RNF150: variants seen among roughly 807,000 people sequenced by gnomAD.
The protein encoded by RNF150 is ring finger protein 150.
In RNF150, 24 loss-of-function variants were observed where a neutral mutation model predicts 39.3. That is an observed-to-expected ratio of 0.61 (90% confidence interval 0.44 to 0.86). The LOEUF (loss-of-function observed/expected upper bound fraction) is 0.86. Among genes scored for constraint, RNF150 ranks in the 40% least tolerant of loss-of-function variants. The pLI, the probability that RNF150 is intolerant of heterozygous loss-of-function variation, is 0.00. For synonymous variants in RNF150, 255 were observed against 227.3 expected, an observed-to-expected ratio of 1.12 and a Z score of -1.10; for missense variants, 502 against 587.8, an observed-to-expected ratio of 0.85 and a Z score of 1.51.
intron 1 of RNF150, among the ~76,000 whole-genome samples, chr4:141,109,185 A>G (rs1739308903): frequency 6.6e-6 from 1 of 152,174 alleles, no homozygotes; most frequent in Non-Finnish European, 1.5e-5. Context: ...TATTCCAAAT[A>G]ATACAATATC....
chr4:141,050,712 C>T (rs760092228), intron 1 of RNF150, among the ~76,000 whole-genome samples: 30 of 152,242 alleles, frequency 2.0e-4, no homozygotes, highest in Non-Finnish European at 4.0e-4. Flanking sequence ...TTGGGCAGCT[C>T]CGCCCCTGTG....
At chr4:141,031,264 G>A (rs1159927107) in intron 1 of RNF150, among the ~76,000 whole-genome samples, 3 of 151,960 alleles carry the variant, frequency 2.0e-5, no homozygotes, top group African/African-American at 7.2e-5. Flanking sequence ...CAATTCAAAA[G>A]GGATTTTGAA....
At chr4:140,995,206 T>C (rs1734323925) in intron 1 of RNF150, among the ~76,000 whole-genome samples, 1 of 152,196 alleles carries the variant, frequency 6.6e-6, no homozygotes, top group Non-Finnish European at 1.5e-5. Context: ...AACCCCAAAT[T>C]TGGAACTCAG....
At chr4:141,194,009 T>G (rs1221330947) in intron 1 of RNF150, among the ~76,000 whole-genome samples, 1 of 152,260 alleles carries the variant, frequency 6.6e-6, no homozygotes, top group Non-Finnish European at 1.5e-5. Context: ...GTCATTTTGA[T>G]TCTCATATGC....
chr4:140,925,432 C>T (rs893753789), intron 5 of RNF150, among the ~76,000 whole-genome samples: 2 of 152,176 alleles, frequency 1.3e-5, no homozygotes, highest in African/African-American at 4.8e-5. Context: ...TAAGTGCTAG[C>T]ATTAAGTAGC....
intron 6 of RNF150, among the ~76,000 whole-genome samples, chr4:140,874,501 T>C (rs1042708977): frequency 1.3e-5 from 2 of 152,272 alleles, no homozygotes; most frequent in African/African-American, 2.4e-5. Context: ...GAAAGTTTTT[T>C]ATTTTAAGAA....
chr4:141,166,977 T>G (rs1032747354), intron 1 of RNF150, among the ~76,000 whole-genome samples: 3 of 152,066 alleles, frequency 2.0e-5, no homozygotes, highest in Non-Finnish European at 2.9e-5. Flanking sequence ...CAAAGGGTAT[T>G]CAAATAGGAA....
chr4:141,115,419 A>G (rs7658695), intron 1 of RNF150, among the ~76,000 whole-genome samples: 116,848 of 152,008 alleles, frequency 0.77, 45,961 homozygotes, highest in East Asian at 0.88. Flanking sequence ...AAAATACCTA[A>G]GAATACAACT....
At chr4:141,019,955 G>T (rs1157437542) in intron 1 of RNF150, among the ~76,000 whole-genome samples, 1 of 152,086 alleles carries the variant, frequency 6.6e-6, no homozygotes, top group Non-Finnish European at 1.5e-5. Context: ...TCTGGTTTGT[G>T]TCTACTGTAC....
intron 1 of RNF150, among the ~76,000 whole-genome samples, chr4:141,191,235 C>A (rs1224089481): frequency 1.3e-5 from 2 of 152,178 alleles, no homozygotes; most frequent in Non-Finnish European, 2.9e-5. Context: ...ATGATCTGTG[C>A]CTGGTGTAGG....
chr4:140,987,260 A>G (rs1328218208), intron 1 of RNF150, among the ~76,000 whole-genome samples: 7 of 152,176 alleles, frequency 4.6e-5, no homozygotes, highest in Admixed American at 4.6e-4. Context: ...GAATTAGAAA[A>G]AACTATTCTA....
chr4:140,900,287 C>T (rs182026659), intron 6 of RNF150, among the ~76,000 whole-genome samples: 215 of 152,154 alleles, frequency 1.4e-3, no homozygotes, highest in Non-Finnish European at 2.5e-3. Context: ...CAATACAGAG[C>T]CATGTGTAGA....
At chr4:140,962,114 A>G (rs1425057228) in intron 2 of RNF150, among the ~76,000 whole-genome samples, 1 of 151,226 alleles carries the variant, frequency 6.6e-6, no homozygotes. Context: ...GCGCGCACAC[A>G]CACACACACG....
At chr4:140,993,013 C>T (rs942592057) in intron 1 of RNF150, among the ~76,000 whole-genome samples, 1 of 152,048 alleles carries the variant, frequency 6.6e-6, no homozygotes, top group African/African-American at 2.4e-5. Context: ...GAAAACAATG[C>T]TCTCGGGAGT....
In RNF150 at chr4:141,050,561, G is replaced by T. The variant is rs1025987610; in HGVS notation, c.484+81764C>A. Among the ~76,000 whole-genome samples, 7 of 152,284 alleles carry T rather than the reference G, an allele frequency of 4.6e-5. No individual in the cohort carries two copies. The South Asian group carries it at 8.3e-4, about 18-fold the overall frequency. The stretch of plus-strand genomic sequence containing the variant: ...ACAGCTGTTGCAAATGGGAGAAAAT[G>T]GCCAAAATGAAGGGGCTACAGACCC... On this transcript the variant is annotated intron_variant, in intron 1 of 6. Coordinates refer to ENST00000515673, the MANE Select transcript of RNF150 (RefSeq NM_020724.2).
intron 1 of RNF150, among the ~76,000 whole-genome samples, chr4:141,020,693 CCT>C (rs1201631522): frequency 6.6e-6 from 1 of 152,190 alleles, no homozygotes; most frequent in Non-Finnish European, 1.5e-5. Flanking sequence ...ATTCCTACTT[CCT>C]CAGCTCAGTC....
At chr4:141,073,238 C>G (rs760788374) in intron 1 of RNF150, among the ~76,000 whole-genome samples, 10 of 152,082 alleles carry the variant, frequency 6.6e-5, no homozygotes, top group African/African-American at 2.4e-4. Flanking sequence ...CAGTTTTCTG[C>G]GAAGGGTCAA....
intron 1 of RNF150, among the ~76,000 whole-genome samples, chr4:141,046,523 T>C (rs370838114): frequency 2.8e-4 from 42 of 152,324 alleles, no homozygotes; most frequent in African/African-American, 9.9e-4. Flanking sequence ...AACTTGAAGT[T>C]CACACTTTAT....
At chr4:140,899,629 G>A (rs573378334) in intron 6 of RNF150, among the ~76,000 whole-genome samples, 9 of 151,990 alleles carry the variant, frequency 5.9e-5, no homozygotes, top group Non-Finnish European at 1.2e-4. Flanking sequence ...GTCCTGGTGT[G>A]TGCTCCTTGG....
Sources: gnomAD v4.1 joint callset for allele counts (sites outside exome capture counted in the v4.1 genomes callset) on GRCh38, gnomAD v4.1.1 for gene constraint, MANE v1.5 for transcripts, NCBI Gene and HGNC (gene_info 2026-07-23, HGNC 2026-07-21) for gene names.